DCPH1: variants seen among roughly 807,000 people sequenced by gnomAD.
The protein encoded by DCPH1 is damage control phosphatase 1.
At chr6:151,466,758 T>C in the DCPH1 span, among the ~76,000 whole-genome samples, 2 of 152,132 alleles carry the variant, frequency 1.3e-5, no homozygotes, top group African/African-American at 4.8e-5. Flanking sequence ...CAAAGAGCTA[T>C]GCCATTACAA....
At chr6:151,455,221 G>A in the DCPH1 span, among the ~76,000 whole-genome samples, 1 of 152,198 alleles carries the variant, frequency 6.6e-6, no homozygotes, top group Non-Finnish European at 1.5e-5. Context: ...GAAGGGGTGG[G>A]TTGCCCCTCC....
At chr6:151,453,003 T>G in the DCPH1 span, among the ~76,000 whole-genome samples, 1 of 152,244 alleles carries the variant, frequency 6.6e-6, no homozygotes, top group Non-Finnish European at 1.5e-5. Context: ...TGCTTTATAG[T>G]CGTCACGCTA....
At chr6:151,458,436 G>A in the DCPH1 span, 72 of 1,613,378 alleles carry the variant, frequency 4.5e-5, no homozygotes, top group African/African-American at 9.1e-4. Flanking sequence ...TGTTGATACT[G>A]ATATATGGAA....
chr6:151,453,279 CTCCA>C, the DCPH1 span, among the ~76,000 whole-genome samples: 25 of 152,300 alleles, frequency 1.6e-4, no homozygotes, highest in Admixed American at 4.6e-4. Context: ...TCTGGCCTCA[CTCCA>C]GTCCTGGCCA....
At chr6:151,461,136 G>C in the DCPH1 span, among the ~76,000 whole-genome samples, 2 of 152,190 alleles carry the variant, frequency 1.3e-5, no homozygotes, top group African/African-American at 4.8e-5. Flanking sequence ...TCGGGGTGAT[G>C]GTTTCCTAAT....
chr6:151,458,242 T>C, the DCPH1 span: 1 of 1,486,510 alleles, frequency 6.7e-7, no homozygotes, highest in Non-Finnish European at 9.0e-7. Flanking sequence ...TTTTCTTTTC[T>C]TCTTAAGTCT....
chr6:151,468,954 T>C, the DCPH1 span: 2 of 1,614,234 alleles, frequency 1.2e-6, no homozygotes, highest in Non-Finnish European at 1.7e-6. Context: ...AGGCTCTGAA[T>C]GGCTTCCATC....
chr6:151,462,449 C>T, the DCPH1 span, among the ~76,000 whole-genome samples: 1 of 152,148 alleles, frequency 6.6e-6, no homozygotes, highest in Non-Finnish European at 1.5e-5. Context: ...AGTTTTGTGT[C>T]TGGCTTCTTT....
the DCPH1 span, chr6:151,452,656 G>A: frequency 2.7e-6 from 4 of 1,461,496 alleles, no homozygotes; most frequent in Non-Finnish European, 2.8e-6. Flanking sequence ...TGGGGACTAA[G>A]CGGAGGGCGC....
the DCPH1 span, chr6:151,452,501 C>T: frequency 7.5e-6 from 12 of 1,605,012 alleles, no homozygotes; most frequent in Non-Finnish European, 8.5e-6. Context: ...TCTGTTTCTG[C>T]GGCGATTGAA....
chr6:151,465,296 C>T, the DCPH1 span, among the ~76,000 whole-genome samples: 2 of 152,256 alleles, frequency 1.3e-5, no homozygotes, highest in African/African-American at 4.8e-5. Context: ...GCAGTATCCC[C>T]AGCCCTCACA....
chr6:151,459,732 A>G, the DCPH1 span, among the ~76,000 whole-genome samples: 19 of 152,310 alleles, frequency 1.2e-4, no homozygotes, highest in East Asian at 3.5e-3. Context: ...CGGAGGTTCC[A>G]GTAGCCAAGA....
At chr6:151,457,048 A>C in the DCPH1 span, among the ~76,000 whole-genome samples, 1 of 152,004 alleles carries the variant, frequency 6.6e-6, no homozygotes, top group Non-Finnish European at 1.5e-5. Flanking sequence ...TCCCTTTTTC[A>C]TGCCTCTGTT....
At chr6:151,456,735 C>G in the DCPH1 span, among the ~76,000 whole-genome samples, 1 of 152,292 alleles carries the variant, frequency 6.6e-6, no homozygotes, top group South Asian at 2.1e-4. Context: ...ACTGCAGCCT[C>G]AAACTCCTAG....
At chr6:151,453,735 T>C in the DCPH1 span, among the ~76,000 whole-genome samples, 5 of 152,240 alleles carry the variant, frequency 3.3e-5, no homozygotes, top group Non-Finnish European at 7.3e-5. Flanking sequence ...ACAGAATTTC[T>C]CCACCAAATA....
At chr6:151,454,512 C>T in the DCPH1 span, 1 of 985,690 alleles carries the variant, frequency 1.0e-6, no homozygotes, top group Non-Finnish European at 1.6e-6. Context: ...AGTATTGATG[C>T]TGCTAAGTTA....
chr6:151,469,730 A>G, the DCPH1 span: 2 of 152,632 alleles, frequency 1.3e-5, no homozygotes, highest in African/African-American at 4.8e-5. Context: ...GACCTGTAGA[A>G]TGGATGTTAG....
the DCPH1 span, among the ~76,000 whole-genome samples, chr6:151,460,892 T>A: frequency 1.3e-5 from 2 of 152,208 alleles, no homozygotes; most frequent in South Asian, 4.2e-4. Context: ...TAACTAGCAA[T>A]GTTCTAGTGA....
chr6:151,452,468 T>G, the DCPH1 span: 2 of 1,521,722 alleles, frequency 1.3e-6, no homozygotes, highest in East Asian at 4.7e-5. Flanking sequence ...CATTCTCAGC[T>G]CCTCCTTCGC....
Sources: gnomAD v4.1 joint callset for allele counts (sites outside exome capture counted in the v4.1 genomes callset) on GRCh38, gnomAD v4.1.1 for gene constraint, MANE v1.5 for transcripts, NCBI Gene and HGNC (gene_info 2026-07-23, HGNC 2026-07-21) for gene names.